The following SOCS5 variants were observed in gnomAD, a reference collection of about 807,000 sequenced individuals.
SOCS5 encodes suppressor of cytokine signaling 5.
In SOCS5, 32 loss-of-function variants were observed where a neutral mutation model predicts 42.8. The observed-to-expected ratio is 0.75, with a 90% CI of 0.56 to 1.01. The LOEUF (loss-of-function observed/expected upper bound fraction) is 1.01. Among genes scored for constraint, SOCS5 ranks in the 50% least tolerant of loss-of-function variants. SOCS5 has a pLI of 0.00. For missense variants in SOCS5, 627 were observed against 653.0 expected (o/e 0.96, Z 0.43); for synonymous variants, 283 against 229.6 (o/e 1.23, Z -2.10).
intron 1 of SOCS5, among the ~76,000 whole-genome samples, chr2:46,756,852 A>G (rs1353662806): frequency 6.6e-6 from 1 of 152,170 alleles, no homozygotes; most frequent in African/African-American, 2.4e-5. Flanking sequence ...AATGATAACA[A>G]GGCACGTGAA....
At chr2:46,702,318 T>G (rs1293207223) in intron 1 of SOCS5, among the ~76,000 whole-genome samples, 1 of 152,238 alleles carries the variant, frequency 6.6e-6, no homozygotes, top group Non-Finnish European at 1.5e-5. Flanking sequence ...AAGGGGGTAC[T>G]TGGTACAAAT....
intron 1 of SOCS5, among the ~76,000 whole-genome samples, chr2:46,721,404 C>T (rs893607343): frequency 2.0e-5 from 3 of 152,084 alleles, no homozygotes; most frequent in African/African-American, 7.2e-5. Flanking sequence ...ATTAACTTGA[C>T]TAGTAGGTAA....
chr2:46,714,888 A>T (rs1295833577), intron 1 of SOCS5, among the ~76,000 whole-genome samples: 4 of 151,448 alleles, frequency 2.6e-5, no homozygotes, highest in Non-Finnish European at 5.9e-5. Flanking sequence ...TGTAACTTAG[A>T]TCTCTTTCAA....
At chr2:46,740,378 C>T (rs948331517) in intron 1 of SOCS5, among the ~76,000 whole-genome samples, 2 of 152,176 alleles carry the variant, frequency 1.3e-5, no homozygotes, top group Non-Finnish European at 2.9e-5. Flanking sequence ...TAAAGAAATA[C>T]AGCTTTTGCT....
At chr2:46,740,731 C>A (rs895097718) in intron 1 of SOCS5, among the ~76,000 whole-genome samples, 6 of 151,920 alleles carry the variant, frequency 3.9e-5, no homozygotes, top group Non-Finnish European at 8.8e-5. Context: ...TGAGGATCTG[C>A]CACTGCCTAC....
At chr2:46,704,007 G>T (rs1381878391) in intron 1 of SOCS5, among the ~76,000 whole-genome samples, 1 of 152,128 alleles carries the variant, frequency 6.6e-6, no homozygotes, top group Non-Finnish European at 1.5e-5. Context: ...TGTAGGGAAT[G>T]ATTTCAGAGA....
At chr2:46,745,538 G>C (rs1225627200) in intron 1 of SOCS5, among the ~76,000 whole-genome samples, 1 of 152,128 alleles carries the variant, frequency 6.6e-6, no homozygotes, top group Non-Finnish European at 1.5e-5. Flanking sequence ...ATCAGAATTA[G>C]TTGTAACTGT....
At chr2:46,732,596 G>A (rs1029382690) in intron 1 of SOCS5, among the ~76,000 whole-genome samples, 2 of 152,194 alleles carry the variant, frequency 1.3e-5, no homozygotes, top group African/African-American at 4.8e-5. Context: ...ATCCTTCAAG[G>A]GGTAGAGACC....
chr2:46,710,468 G>C (rs975976623), intron 1 of SOCS5, among the ~76,000 whole-genome samples: 2 of 152,060 alleles, frequency 1.3e-5, no homozygotes, highest in African/African-American at 4.8e-5. Flanking sequence ...TTAAAAAGTG[G>C]AAGTGTAATT....
chr2:46,731,567 T>C (rs368104524), intron 1 of SOCS5, among the ~76,000 whole-genome samples: 37 of 152,364 alleles, frequency 2.4e-4, no homozygotes, highest in African/African-American at 7.9e-4. Context: ...GTGATTCTTA[T>C]GACACAGATA....
chr2:46,746,137 C>A (rs1673490173), intron 1 of SOCS5, among the ~76,000 whole-genome samples: 1 of 151,704 alleles, frequency 6.6e-6, no homozygotes, highest in Admixed American at 6.6e-5. Flanking sequence ...GAAAGGTAGA[C>A]TGTTTAGGCA....
chr2:46,728,962 G>C (rs182946678), intron 1 of SOCS5, among the ~76,000 whole-genome samples: 74 of 152,260 alleles, frequency 4.9e-4, no homozygotes, highest in African/African-American at 1.7e-3. Flanking sequence ...CTGGGAACTT[G>C]TTAGACACAC....
At chr2:46,708,353 G>C (rs184928537) in intron 1 of SOCS5, among the ~76,000 whole-genome samples, 56 of 152,290 alleles carry the variant, frequency 3.7e-4, no homozygotes, top group Non-Finnish European at 2.4e-4. Flanking sequence ...GTTTGGGAGA[G>C]AGAGAATACT....
chr2:46,717,005 T>C (rs973093385), intron 1 of SOCS5, among the ~76,000 whole-genome samples: 1 of 152,216 alleles, frequency 6.6e-6, no homozygotes, highest in Non-Finnish European at 1.5e-5. Flanking sequence ...TCTAAATCGT[T>C]GGAGAGTGTC....
At position 46,719,079 on chromosome 2, in the gene SOCS5, A is replaced by G. The variant is rs1672821277; in HGVS notation, c.-13+19630A>G. Among the ~76,000 whole-genome samples, 3 of 152,216 alleles carry G rather than the reference A, an allele frequency of 2.0e-5. No individual in the cohort carries two copies. The South Asian group carries it at 6.2e-4, about 31-fold the overall frequency. On this transcript the variant is annotated intron_variant, in intron 1 of 1. Transcript: ENST00000394861. ...TTGTGTAACCAAATACCATAAAACT[A>G]TTACAAATCATGTTCTTTAAAATTT... is the stretch of plus-strand genomic sequence containing the variant.
chr2:46,742,984 G>A (rs1673412045), intron 1 of SOCS5, among the ~76,000 whole-genome samples: 1 of 152,012 alleles, frequency 6.6e-6, no homozygotes, highest in African/African-American at 2.4e-5. Context: ...TTTTTTAATG[G>A]AAGGTTTATG....
chr2:46,713,304 T>G lies in SOCS5; in HGVS notation c.-13+13855T>G, dbSNP rs535211439. Among the ~76,000 whole-genome samples, 4 of 152,336 alleles carry G rather than the reference T, an allele frequency of 2.6e-5. No homozygotes were observed. In the East Asian group the frequency reaches 7.7e-4, roughly 29 times the overall value. On this transcript the variant is annotated intron_variant, in intron 1 of 1. Coordinates refer to ENST00000394861, the MANE Select transcript of SOCS5 (RefSeq NM_144949.3). ...CTGGGAGGTTGAGGCTCCAGTGAGC[T>G]GTGATCATGCCACTGCACTCCAGGG...
intron 1 of SOCS5, among the ~76,000 whole-genome samples, chr2:46,728,634 C>T (rs533114635): frequency 1.3e-4 from 20 of 152,196 alleles, no homozygotes; most frequent in Admixed American, 2.6e-4. Context: ...TCAGTCACTG[C>T]GACCTCCACC....
intron 1 of SOCS5, among the ~76,000 whole-genome samples, chr2:46,714,057 A>C (rs1228425531): frequency 6.6e-6 from 1 of 152,192 alleles, no homozygotes; most frequent in Non-Finnish European, 1.5e-5. Flanking sequence ...TGATTGTTTT[A>C]TGGCCCAACA....
Sources: allele counts gnomAD v4.1 joint callset (sites outside exome capture counted in the v4.1 genomes callset), GRCh38; gene constraint gnomAD v4.1.1; transcripts MANE v1.5; gene names NCBI Gene and HGNC (gene_info 2026-07-23, HGNC 2026-07-21).